The following ING4 variants were observed in gnomAD, a reference collection of about 807,000 sequenced individuals.
ING4 encodes inhibitor of growth family member 4.
A neutral mutation model predicts 33.1 loss-of-function variants in ING4; 28 were observed. That is an observed-to-expected ratio of 0.85 (90% CI 0.63 to 1.16). ING4 has a LOEUF of 1.16. ING4 is among the 50% of genes most tolerant of loss of function. ING4 has a pLI of 0.00. For missense variants in ING4, 247 were observed against 314.7 expected (o/e 0.78, Z 1.63); for synonymous variants, 87 against 104.4 (o/e 0.83, Z 1.02).
At chr12:6,655,806 A>T (rs941311579) in intron 2 of ING4, 37 of 457,338 alleles carry the variant, frequency 8.1e-5, no homozygotes, top group South Asian at 5.4e-4. Flanking sequence ...CAGATCCTTC[A>T]GTGGGTATGG....
chr12:6,652,227 C>A, intron 6 of ING4, 44 bp downstream of exon 6: 2 of 1,599,694 alleles, frequency 1.3e-6, no homozygotes, highest in Non-Finnish European at 8.5e-7. Context: ...CCACTCCCTT[C>A]ATGCCCCTCA....
At chr12:6,652,219 A>G in intron 6 of ING4, 52 bp downstream of exon 6, 1 of 1,587,180 alleles carries the variant, frequency 6.3e-7, no homozygotes, top group Non-Finnish European at 8.6e-7. Context: ...TCTTGTACCC[A>G]CTCCCTTCAT....
Position 6,650,952 on chromosome 12 carries a change from A to G in ING4, c.*243T>C. 2 of 580,234 alleles carry G rather than the reference A, an allele frequency of 3.4e-6. No homozygotes were observed. The highest frequency in any genetic ancestry group is 2.0e-5 in the South Asian group (1 of 49,060). The allele number at this position is 580,234 out of a possible 1,614,324, so 35.9% of individuals were successfully genotyped here. On this transcript the variant is annotated 3_prime_UTR_variant, in exon 8 of 8. Coordinates refer to ENST00000341550, the MANE Select transcript of ING4 (RefSeq NM_016162.4). Reference sequence around the variant, plus strand: ...TGGAGGCAAAAGGACAGTGGGCAAGACCACGTCCCTCCGAAGGGAGAGGGC... The same window carrying G: ...TGGAGGCAAAAGGACAGTGGGCAAGGCCACGTCCCTCCGAAGGGAGAGGGC...
At chr12:6,658,569 C>G (rs1027789454) in intron 1 of ING4, among the ~76,000 whole-genome samples, 1 of 152,016 alleles carries the variant, frequency 6.6e-6, no homozygotes, top group Admixed American at 6.6e-5. Flanking sequence ...GCCTGTAATC[C>G]CAGCTACTTG....
In ING4 at chr12:6,652,510, A is replaced by G. The variant is rs1289628411; in HGVS notation, c.498-92T>C. The G allele has an allele frequency of 1.0e-5, 15 of 1,460,792 alleles. 1 individual carries two copies. In the Admixed American group the frequency reaches 2.7e-4, roughly 27 times the overall value. The allele number at this position is 1,460,792 out of a possible 1,614,324, so 90.5% of individuals were successfully genotyped here. On this transcript the variant is annotated intron_variant, in intron 5 of 7. Transcript: ENST00000341550. ...GGTGGCAGGAGATCCTGGTAGGGCA[A>G]ATGATTTGTGGCTTCTCCAGCAGAT... is the stretch of plus-strand genomic sequence containing the variant.
rs547184382 is a variant in ING4, at chr12:6,658,899, C to T, written c.38-2101G>A. On this transcript the variant is annotated intron_variant, in intron 1 of 7. Coordinates refer to ENST00000341550, the MANE Select transcript of ING4 (RefSeq NM_016162.4). ...CCTCCTCGCACTGCCTCAAACTGGCCTGTGCTCCTCCTGCCATTTGGCTTT... is the reference window on the plus strand; with the variant it reads ...CCTCCTCGCACTGCCTCAAACTGGCTTGTGCTCCTCCTGCCATTTGGCTTT... Among the ~76,000 whole-genome samples, 22 of 152,296 alleles carry T rather than the reference C, an allele frequency of 1.4e-4. 1 individual carries two copies. In the South Asian group the frequency reaches 2.9e-3, roughly 20 times the overall value.
intron 1 of ING4, among the ~76,000 whole-genome samples, chr12:6,659,302 T>C (rs1477123424): frequency 6.6e-6 from 1 of 151,956 alleles, no homozygotes; most frequent in Non-Finnish European, 1.5e-5. Context: ...ATGCCTGTAA[T>C]TCTAGCACTT....
chr12:6,663,016 T>C, intron 1 of ING4, 49 bp downstream of exon 1: 1 of 1,593,044 alleles, frequency 6.3e-7, no homozygotes, highest in Non-Finnish European at 8.6e-7. Context: ...TCATCCCTGA[T>C]CCCCGCACCA....
intron 1 of ING4, among the ~76,000 whole-genome samples, chr12:6,662,243 A>G (rs1949578508): frequency 6.6e-6 from 1 of 152,086 alleles, no homozygotes; most frequent in Non-Finnish European, 1.5e-5. Flanking sequence ...AGCTTTTCCT[A>G]CATCCCCAGG....
chr12:6,654,730 G>A (rs1005829423), intron 2 of ING4, among the ~76,000 whole-genome samples: 9 of 151,506 alleles, frequency 5.9e-5, no homozygotes, highest in Non-Finnish European at 7.4e-5. Context: ...CTCCAAACAC[G>A]TTTTTTTGTT....
intron 6 of ING4, 150 bp downstream of exon 6, chr12:6,652,121 A>G (rs1565397351): frequency 2.0e-6 from 2 of 984,292 alleles, no homozygotes; most frequent in South Asian, 1.7e-5. Flanking sequence ...CAGCCTCCCA[A>G]AGTGCTGGGA....
In ING4 at chr12:6,653,294, G is replaced by GAT; in HGVS notation, c.211_212insAT (p.Ala71AspfsTer92). 6.2e-7 allele frequency: 1 copy of GAT among 1,614,148 alleles called. No individual in the cohort carries two copies. Among genetic ancestry groups the GAT allele is most frequent in the Non-Finnish European group, 8.5e-7 (1 of 1,180,026 alleles). On this transcript the variant is annotated frameshift_variant, in exon 3 of 8. Transcript: ENST00000341550. LOFTEE classifies it high-confidence loss of function. The stretch of plus-strand genomic sequence containing the variant: ...ACCAAATTCCTTGCACTTGCCATAG[G>GAT]CTTCCTGGATCTGTTTGAGAAGGGC...
At chr12:6,656,121 T>C (rs962725500) in intron 2 of ING4, among the ~76,000 whole-genome samples, 24 of 152,048 alleles carry the variant, frequency 1.6e-4, no homozygotes, top group African/African-American at 5.1e-4. Flanking sequence ...CCTATAAATA[T>C]ATCAAACGTG....
intron 2 of ING4, among the ~76,000 whole-genome samples, chr12:6,654,476 G>A (rs1313418409): frequency 6.6e-6 from 1 of 151,608 alleles, no homozygotes; most frequent in Middle Eastern, 3.4e-3. Flanking sequence ...GGGACCACAG[G>A]CACATGCCAC....
chr12:6,657,262 A>C (rs772045702), intron 1 of ING4, among the ~76,000 whole-genome samples: 2 of 152,110 alleles, frequency 1.3e-5, no homozygotes, highest in Non-Finnish European at 2.9e-5. Context: ...ATCCTGGCTA[A>C]CATGGTGAAA....
intron 6 of ING4, among the ~76,000 whole-genome samples, chr12:6,652,057 A>G (rs1029221915): frequency 2.6e-5 from 4 of 151,466 alleles, no homozygotes; most frequent in African/African-American, 9.7e-5. Context: ...AAGGGGTTAC[A>G]CTATGTTGGC....
intron 7 of ING4, 42 bp downstream of exon 7, chr12:6,651,282 T>C: frequency 1.2e-6 from 2 of 1,613,794 alleles, no homozygotes; most frequent in African/African-American, 1.3e-5. Flanking sequence ...GAGAATGCCC[T>C]TGACCACTCA....
rs377602366 is a variant in ING4, at chr12:6,656,342, GT to G, written c.109+384del. ...TGGTGCGTGCCACCACACCTGGCTA[GT>G]TTTTGTATTTTTAGTAGAGATGGGG... On this transcript the variant is annotated intron_variant, in intron 2 of 7. Coordinates refer to ENST00000341550, the MANE Select transcript of ING4 (RefSeq NM_016162.4). 1,231 of 238,634 alleles carry G rather than the reference GT, an allele frequency of 5.2e-3. 12 individuals carry two copies. The highest frequency in any genetic ancestry group is 0.027 in the African/African-American group (1,136 of 41,950). The allele number at this position is 238,634 out of a possible 1,614,324, so 14.8% of individuals were successfully genotyped here.
intron 6 of ING4, 120 bp downstream of exon 6, chr12:6,652,151 C>G (rs143542983): frequency 4.0e-6 from 5 of 1,240,162 alleles, no homozygotes; most frequent in Non-Finnish European, 4.5e-6. Context: ...AGAGCTACTA[C>G]GTCCAGCCCA....
Sources: allele counts gnomAD v4.1 joint callset (sites outside exome capture counted in the v4.1 genomes callset), GRCh38; gene constraint gnomAD v4.1.1; transcripts MANE v1.5; gene names NCBI Gene and HGNC (gene_info 2026-07-23, HGNC 2026-07-21).